The following CLSTN2 variants were observed in gnomAD, a reference collection of about 807,000 sequenced individuals.
CLSTN2 encodes the protein calsyntenin 2, also known as calsyntenin-2.
CLSTN2 carries 48 observed loss-of-function variants against 101.2 expected under a neutral mutation model. That is an observed-to-expected ratio of 0.47 (90% CI 0.38 to 0.60). The LOEUF (loss-of-function observed/expected upper bound fraction) is 0.60. CLSTN2 is among the 20% of genes least tolerant of loss of function. The probability of loss-of-function intolerance (pLI) is 0.00; values close to 1 mark genes in which losing one functional copy is unlikely to be tolerated. For synonymous variants in CLSTN2, 481 were observed against 463.6 expected (o/e 1.04, Z -0.48); for missense variants, 1,160 against 1,238.2 (o/e 0.94, Z 0.95).
intron 2 of CLSTN2, among the ~76,000 whole-genome samples, chr3:140,293,280 G>A (rs976260958): frequency 6.6e-6 from 1 of 152,166 alleles, no homozygotes; most frequent in African/African-American, 2.4e-5. Context: ...AGCACTCAGT[G>A]GGCAGCACGG....
Position 140,419,494 on chromosome 3 carries a change from A to AAAAAAATAT in CLSTN2, c.638-1630_638-1629insAAAAATATA, listed in dbSNP as rs1358014947. 2.4e-4 allele frequency among the ~76,000 whole-genome samples: 13 copies of AAAAAAATAT among 55,002 alleles called. 1 individual carries two copies. The highest frequency in any genetic ancestry group is 7.3e-4 in the East Asian group (1 of 1,368). 36.1% of individuals were successfully genotyped at this position (55,002 alleles called of 152,430 possible). A position where few individuals can be genotyped will look rare whatever the true frequency, so the allele number is the denominator to read the frequency against. Reference sequence around the variant, plus strand: ...CCAGACTCTGTCTCAAAAAAAAAAAAATATATATATATATATATACACACA... The same window carrying AAAAAAATAT: ...CCAGACTCTGTCTCAAAAAAAAAAAAAAAAAATATATATATATATATATATATACACACA... On this transcript the variant is annotated intron_variant, in intron 4 of 16. Transcript: ENST00000458420.
At chr3:140,469,814 G>C (rs959364880) in intron 8 of CLSTN2, among the ~76,000 whole-genome samples, 1 of 152,208 alleles carries the variant, frequency 6.6e-6, no homozygotes, top group African/African-American at 2.4e-5. Context: ...AAGTGAGGCA[G>C]GGGAAGAGGG....
intron 8 of CLSTN2, among the ~76,000 whole-genome samples, chr3:140,477,287 C>T (rs777392681): frequency 1.3e-5 from 2 of 152,186 alleles, no homozygotes; most frequent in Non-Finnish European, 2.9e-5. Context: ...CCTTCATCAC[C>T]TTGACAATCA....
rs1245948718 is a variant in CLSTN2, at chr3:140,042,026, A to G, written c.109+106543A>G. ...TCTCAGCTTTCTTGACATAGAATTT[A>G]TCTGCCATACAATTCACCTATTTAA... On this transcript the variant is annotated intron_variant, in intron 1 of 16. Coordinates refer to ENST00000458420, the MANE Select transcript of CLSTN2 (RefSeq NM_022131.3). Among the ~76,000 whole-genome samples the G allele has an allele frequency of 3.3e-5, 5 of 152,330 alleles. No individual in the cohort carries two copies. The East Asian group carries it at 9.6e-4, about 29-fold the overall frequency.
intron 2 of CLSTN2, among the ~76,000 whole-genome samples, chr3:140,297,457 C>G (rs1033984596): frequency 6.6e-6 from 1 of 152,196 alleles, no homozygotes; most frequent in Non-Finnish European, 1.5e-5. Flanking sequence ...TTACTTGATT[C>G]TCACAATGAG....
chr3:140,482,069 G>A (rs1303233368), intron 8 of CLSTN2, among the ~76,000 whole-genome samples: 1 of 152,152 alleles, frequency 6.6e-6, no homozygotes, highest in Non-Finnish European at 1.5e-5. Flanking sequence ...CATTCAGTAT[G>A]ATATTGGCTG....
chr3:139,973,473 G>C (rs918848612), intron 1 of CLSTN2, among the ~76,000 whole-genome samples: 2 of 152,144 alleles, frequency 1.3e-5, no homozygotes, highest in Non-Finnish European at 2.9e-5. Context: ...GAACTTGGGG[G>C]TTGGGGGGAA....
intron 2 of CLSTN2, among the ~76,000 whole-genome samples, chr3:140,320,140 G>T (rs1255240114): frequency 6.6e-6 from 1 of 152,206 alleles, no homozygotes; most frequent in East Asian, 1.9e-4. Context: ...TTGTGCTCAG[G>T]TTACCTTCAG....
chr3:140,458,627 C>T (rs1470951454), intron 6 of CLSTN2, among the ~76,000 whole-genome samples: 1 of 152,252 alleles, frequency 6.6e-6, no homozygotes, highest in Admixed American at 6.5e-5. Flanking sequence ...TAAACCTGCC[C>T]CCACTCCTGC....
intron 1 of CLSTN2, among the ~76,000 whole-genome samples, chr3:139,983,710 G>A (rs1935973950): frequency 6.6e-6 from 1 of 152,086 alleles, no homozygotes. Context: ...ATTAAACTAT[G>A]TAATAATTTA....
chr3:140,577,110 G>A lies in CLSTN2; in HGVS notation c.*10857G>A, dbSNP rs1340484884. The A allele has an allele frequency of 6.6e-6, 1 of 152,186 alleles. No individual in the cohort carries two copies. Among genetic ancestry groups the A allele is most frequent in the African/African-American group, 2.4e-5 (1 of 41,438 alleles). The allele number at this position is 152,186 out of a possible 1,614,324, so 9.4% of individuals were successfully genotyped here. On this transcript the variant is annotated 3_prime_UTR_variant, in exon 17 of 17. Transcript: ENST00000458420. ...TGACACAGAGTGAGGGGCGCTGAGA[G>A]TCTCTATGTATATAAAGATATAGGA...
chr3:140,195,166 C>T (rs746030310), intron 2 of CLSTN2, among the ~76,000 whole-genome samples: 9 of 152,138 alleles, frequency 5.9e-5, no homozygotes, highest in Non-Finnish European at 1.0e-4. Flanking sequence ...TTCTTTATGC[C>T]GTGTTTATCT....
intron 2 of CLSTN2, among the ~76,000 whole-genome samples, chr3:140,284,712 T>C (rs548877328): frequency 3.3e-5 from 5 of 152,126 alleles, no homozygotes; most frequent in Non-Finnish European, 7.4e-5. Context: ...AATCTTCAAG[T>C]TACATTTGTC....
intron 4 of CLSTN2, among the ~76,000 whole-genome samples, chr3:140,407,818 C>T (rs1457868661): frequency 6.6e-6 from 1 of 152,200 alleles, no homozygotes; most frequent in East Asian, 1.9e-4. Flanking sequence ...ATAACACTGT[C>T]ACAGTGGTGA....
At position 140,546,477 on chromosome 3, in the gene CLSTN2, A is replaced by G. The variant is rs768974245; in HGVS notation, c.1508-38A>G. 1.9e-5 allele frequency: 30 copies of G among 1,602,460 alleles called. No homozygotes were observed. The East Asian group carries it at 5.8e-4, about 31-fold the overall frequency. Reference sequence around the variant, plus strand: ...TGCCTTGAGGTGCTGTTTCCTACCCAGTCTTCACAGGGCAAATGATGGTGT... The same window carrying G: ...TGCCTTGAGGTGCTGTTTCCTACCCGGTCTTCACAGGGCAAATGATGGTGT... On this transcript the variant is annotated intron_variant, in intron 9 of 16. Coordinates refer to ENST00000458420, the MANE Select transcript of CLSTN2 (RefSeq NM_022131.3).
intron 8 of CLSTN2, among the ~76,000 whole-genome samples, chr3:140,503,941 A>C (rs747911246): frequency 4.6e-5 from 7 of 152,136 alleles, no homozygotes; most frequent in Non-Finnish European, 7.4e-5. Context: ...AGGACCTTTG[A>C]GAGCCTGCCA....
chr3:140,374,721 A>T (rs1184944662), intron 2 of CLSTN2, among the ~76,000 whole-genome samples: 2 of 152,222 alleles, frequency 1.3e-5, no homozygotes, highest in Non-Finnish European at 2.9e-5. Flanking sequence ...AAATAAATGA[A>T]ATCAGCAATT....
chr3:140,250,978 A>G (rs2086559144), intron 2 of CLSTN2, among the ~76,000 whole-genome samples: 1 of 152,178 alleles, frequency 6.6e-6, no homozygotes, highest in African/African-American at 2.4e-5. Context: ...TTCTGAGAAG[A>G]GTCTTTTCCT....
intron 2 of CLSTN2, among the ~76,000 whole-genome samples, chr3:140,343,165 A>G (rs1175263440): frequency 6.6e-6 from 1 of 151,992 alleles, no homozygotes; most frequent in Admixed American, 6.6e-5. Context: ...CTTGGCTCTT[A>G]TCTCCCAGGC....
Sources: allele counts gnomAD v4.1 joint callset (sites outside exome capture counted in the v4.1 genomes callset), GRCh38; gene constraint gnomAD v4.1.1; transcripts MANE v1.5; gene names NCBI Gene and HGNC (gene_info 2026-07-23, HGNC 2026-07-21).